The following PTPN9 variants were observed in gnomAD, a reference collection of about 807,000 sequenced individuals.
The protein encoded by PTPN9 is tyrosine-protein phosphatase non-receptor type 9.
PTPN9 carries 26 observed loss-of-function variants against 69.8 expected under a neutral mutation model. The ratio of observed to expected loss-of-function variants is 0.37; its 90% CI spans 0.27 to 0.52. PTPN9 has a LOEUF of 0.52. Among genes scored for constraint, PTPN9 ranks in the 20% least tolerant of loss-of-function variants. The pLI, the probability that PTPN9 is intolerant of heterozygous loss-of-function variation, is 0.91. For missense variants in PTPN9, 549 were observed against 740.3 expected, an observed-to-expected ratio of 0.74 and a Z score of 3.00; for synonymous variants, 274 against 272.5, an observed-to-expected ratio of 1.01 and a Z score of -0.05.
chr15:75,527,328 C>T, intron 1 of PTPN9, 67 bp from the exon 2 acceptor site: 1 of 1,558,092 alleles, frequency 6.4e-7, no homozygotes. Flanking sequence ...AAAAAACAAA[C>T]AAGTGAAAAC....
chr15:75,490,158 A>C, intron 8 of PTPN9, 50 bp downstream of exon 8: 3 of 1,359,350 alleles, frequency 2.2e-6, no homozygotes, highest in Non-Finnish European at 3.2e-6. Flanking sequence ...ACTTTGGAAG[A>C]AGCTCTATTT....
At chr15:75,494,100 T>C (rs998705530) in intron 7 of PTPN9, among the ~76,000 whole-genome samples, 12 of 149,044 alleles carry the variant, frequency 8.1e-5, no homozygotes, top group Non-Finnish European at 1.3e-4. Flanking sequence ...ATATTTACTA[T>C]CTTACCCTTT....
intron 1 of PTPN9, among the ~76,000 whole-genome samples, chr15:75,554,079 CACAATCATGGGT>C (rs2141336619): frequency 6.8e-6 from 1 of 146,774 alleles, no homozygotes; most frequent in South Asian, 2.1e-4. Context: ...ATTGCAGTGG[CACAATCATGGGT>C]CACTGCAGCC....
intron 1 of PTPN9, among the ~76,000 whole-genome samples, chr15:75,544,456 G>A (rs1026022929): frequency 2.6e-5 from 4 of 152,170 alleles, no homozygotes; most frequent in Non-Finnish European, 5.9e-5. Flanking sequence ...CTTGAGCCTG[G>A]GAGTCCAAGT....
chr15:75,537,753 C>CAAAAAAAAAAAAAAAAAAAAAAAA lies in PTPN9; in HGVS notation c.64-10493_64-10492insTTTTTTTTTTTTTTTTTTTTTTTT, dbSNP rs1164644727. 1.1e-3 allele frequency among the ~76,000 whole-genome samples: 12 copies of CAAAAAAAAAAAAAAAAAAAAAAAA among 11,388 alleles called. 2 individuals carry two copies. The highest frequency in any genetic ancestry group is 3.3e-3 in the South Asian group (1 of 304). 7.5% of individuals were successfully genotyped at this position (11,388 alleles called of 152,430 possible). A position where few individuals can be genotyped will look rare whatever the true frequency, so the allele number is the denominator to read the frequency against. The stretch of plus-strand genomic sequence containing the variant: ...AGGGCAACAGAGGGAGACTCCATCT[C>CAAAAAAAAAAAAAAAAAAAAAAAA]AAAAAAAAAAAAAAAAAAAAAAAGG... On this transcript the variant is annotated intron_variant, in intron 1 of 12. Coordinates refer to ENST00000618819, the MANE Select transcript of PTPN9 (RefSeq NM_002833.4).
chr15:75,575,980 T>A (rs1330336885), intron 1 of PTPN9, among the ~76,000 whole-genome samples: 1 of 139,174 alleles, frequency 7.2e-6, no homozygotes, highest in African/African-American at 2.7e-5. Flanking sequence ...AGGCCTGTAA[T>A]CCCAGCATTT....
At chr15:75,510,624 T>A (rs1406494591) in intron 5 of PTPN9, among the ~76,000 whole-genome samples, 4 of 152,258 alleles carry the variant, frequency 2.6e-5, no homozygotes, top group South Asian at 4.1e-4. Flanking sequence ...TTTTCTATTT[T>A]AATGTCAGAA....
chr15:75,578,122 T>C (rs1479221263), intron 1 of PTPN9, among the ~76,000 whole-genome samples: 2 of 152,118 alleles, frequency 1.3e-5, no homozygotes, highest in African/African-American at 2.4e-5. Flanking sequence ...CCGTCTGGGA[T>C]AGCTGAATAG....
At chr15:75,567,999 A>AC (rs1011049444) in intron 1 of PTPN9, among the ~76,000 whole-genome samples, 3 of 151,808 alleles carry the variant, frequency 2.0e-5, no homozygotes, top group Non-Finnish European at 4.4e-5. Flanking sequence ...CCGTCTCAAA[A>AC]AAAAAAAAAA....
At chr15:75,525,781 T>C (rs2074924845) in intron 2 of PTPN9, among the ~76,000 whole-genome samples, 1 of 151,296 alleles carries the variant, frequency 6.6e-6, no homozygotes, top group African/African-American at 2.4e-5. Flanking sequence ...TAGCCAGGTA[T>C]GGTGGTGCAT....
At chr15:75,496,821 TA>T (rs1425840240) in intron 7 of PTPN9, among the ~76,000 whole-genome samples, 4 of 152,122 alleles carry the variant, frequency 2.6e-5, no homozygotes, top group Admixed American at 6.6e-5. Flanking sequence ...ATAAGCATTT[TA>T]ATTTAGAATT....
chr15:75,556,307 CCT>C, intron 1 of PTPN9, among the ~76,000 whole-genome samples: 1 of 151,812 alleles, frequency 6.6e-6, no homozygotes. Context: ...CGTGATCCCC[CCT>C]GCCTCGGCCT....
chr15:75,493,047 C>T (rs2074720159), intron 7 of PTPN9, among the ~76,000 whole-genome samples: 1 of 151,962 alleles, frequency 6.6e-6, no homozygotes, highest in Non-Finnish European at 1.5e-5. Flanking sequence ...CCCGGCTATT[C>T]AGGAAGCTGA....
chr15:75,506,043 G>A (rs1197572882), intron 6 of PTPN9, 40 bp from the exon 7 acceptor site: 1 of 1,467,304 alleles, frequency 6.8e-7, no homozygotes, highest in Non-Finnish European at 9.5e-7. Context: ...TGTGGGAGGA[G>A]GGAAAGGCAT....
rs962500489 is a variant in PTPN9, at chr15:75,554,017, T to C, written c.63+24697A>G. ...CAATACTTTCTTTCTTTTTTTTTTT[T>C]TTTTTTGATTTTTTTTAAGACAGAA... is the stretch of plus-strand genomic sequence containing the variant. On this transcript the variant is annotated intron_variant, in intron 1 of 12. Coordinates refer to ENST00000618819, the MANE Select transcript of PTPN9 (RefSeq NM_002833.4). 2.0e-5 allele frequency among the ~76,000 whole-genome samples: 3 copies of C among 147,808 alleles called. No individual in the cohort carries two copies. The Admixed American group carries it at 2.0e-4, about 10-fold the overall frequency.
chr15:75,563,262 C>T (rs992994727), intron 1 of PTPN9, among the ~76,000 whole-genome samples: 1 of 152,044 alleles, frequency 6.6e-6, no homozygotes, highest in Non-Finnish European at 1.5e-5. Flanking sequence ...AATCTCGGCT[C>T]ACTGCAACCT....
rs574781054 is a variant in PTPN9 at position 75,505,875 on chromosome 15, G to T, written c.768C>A (p.Gly256=). 4 of 1,614,134 alleles carry T rather than the reference G, an allele frequency of 2.5e-6. 1 individual carries two copies. Among genetic ancestry groups the T allele is most frequent in the Non-Finnish European group, 8.5e-7 (1 of 1,180,028 alleles). ...TGATCTCATCGAAGGGATCTGGGTG[G>T]CCGTTCACCTGGGGTAGGAACTGGA... ...WNFQFLPQVN[G]HPDPFDEIIL... The change falls in exon 7 of 13, where the codon GGC becomes GGA. Residue 256 remains glycine, a synonymous_variant. Transcript: ENST00000618819.
At chr15:75,572,715 AG>A (rs2075154015) in intron 1 of PTPN9, among the ~76,000 whole-genome samples, 1 of 152,240 alleles carries the variant, frequency 6.6e-6, no homozygotes, top group East Asian at 1.9e-4. Flanking sequence ...TCAAAAAAAA[AG>A]AAAAAAAGAA....
chr15:75,532,723 C>T (rs192294501), intron 1 of PTPN9, among the ~76,000 whole-genome samples: 45 of 152,348 alleles, frequency 3.0e-4, no homozygotes, highest in African/African-American at 9.4e-4. Context: ...AATACACATG[C>T]GTAGCACCTG....
Sources: allele counts gnomAD v4.1 joint callset (sites outside exome capture counted in the v4.1 genomes callset), GRCh38; gene constraint gnomAD v4.1.1; transcripts MANE v1.5; gene names NCBI Gene and HGNC (gene_info 2026-07-23, HGNC 2026-07-21).